The following CUBN variants were observed in gnomAD, a reference collection of about 807,000 sequenced individuals.
CUBN encodes 460 kDa receptor.
CUBN carries 282 observed loss-of-function variants against 405.3 expected under a neutral mutation model. The ratio of observed to expected loss-of-function variants is 0.70; its 90% CI spans 0.63 to 0.77. The LOEUF (loss-of-function observed/expected upper bound fraction) is 0.77, where lower values mean the gene tolerates loss of function less well. Ranked by LOEUF, CUBN falls within the 30% of genes least tolerant of loss-of-function variation. The probability of loss-of-function intolerance (pLI) is 0.00; values close to 1 mark genes in which losing one functional copy is unlikely to be tolerated. For synonymous variants in CUBN, 1,684 were observed against 1,617.0 expected (o/e 1.04, Z -0.99); for missense variants, 4,514 against 4,475.2 (o/e 1.01, Z -0.25).
Position 17,124,619 on chromosome 10 carries a change from G to A in CUBN, c.388-930C>T, listed in dbSNP as rs563927393. Among the ~76,000 whole-genome samples the A allele has an allele frequency of 4.2e-4, 63 of 151,730 alleles. No homozygotes were observed. The South Asian group carries it at 4.2e-3, about 10-fold the overall frequency. On this transcript the variant is annotated intron_variant, in intron 4 of 66. Coordinates refer to ENST00000377833, the MANE Select transcript of CUBN (RefSeq NM_001081.4). ...AATTTTTTGTATTTTTAGTAGAGAC[G>A]GGGTTTCACCGTGTTAGCCAGGATG...
At chr10:17,061,899 C>T in intron 22 of CUBN, among the ~76,000 whole-genome samples, 1 of 152,166 alleles carries the variant, frequency 6.6e-6, no homozygotes, top group Non-Finnish European at 1.5e-5. Context: ...TAAGACGGGA[C>T]TCAGTTGTTT....
chr10:17,000,832 T>C (rs574612293), intron 28 of CUBN, among the ~76,000 whole-genome samples: 9 of 152,334 alleles, frequency 5.9e-5, no homozygotes, highest in African/African-American at 2.2e-4. Flanking sequence ...AATAAGGGAA[T>C]GATAATGCTC....
chr10:16,920,081 G>C lies in CUBN; in HGVS notation c.6703C>G (p.Pro2235Ala), dbSNP rs747957245. The C allele has an allele frequency of 3.7e-6, 6 of 1,613,888 alleles. No individual in the cohort carries two copies. In the Admixed American group the frequency reaches 1.0e-4, roughly 27 times the overall value. The change falls in exon 44 of 67, where the codon CCC (proline) becomes GCC (alanine). Residue 2235 changes from proline (P) to alanine (A), a missense_variant. This residue lies in a region of CUBN where 1,613 missense variants were observed against 1,542.8 expected (regional missense o/e 1.05). Coordinates refer to ENST00000377833, the MANE Select transcript of CUBN (RefSeq NM_001081.4). ...GGGGGATAATTATGAGGGTGGTTGG[G>C]GGAGGTCACATACCCAGCAGAATCA... ...DADSAGYVTS[P>A]NHPHNYPPHA...
intron 7 of CUBN, among the ~76,000 whole-genome samples, chr10:17,114,821 T>C (rs1485857003): frequency 1.3e-5 from 2 of 152,180 alleles, no homozygotes; most frequent in East Asian, 1.9e-4. Context: ...AAAGTCAGAC[T>C]CCTTGAAACC....
intron 29 of CUBN, among the ~76,000 whole-genome samples, chr10:16,985,505 T>C (rs1833391806): frequency 6.6e-6 from 1 of 152,204 alleles, no homozygotes; most frequent in Non-Finnish European, 1.5e-5. Flanking sequence ...TGATTCTTCC[T>C]GGATGCCAGA....
chr10:16,923,683 A>C (rs1162237306), intron 43 of CUBN, among the ~76,000 whole-genome samples: 3 of 152,236 alleles, frequency 2.0e-5, no homozygotes, highest in Non-Finnish European at 4.4e-5. Flanking sequence ...GAATCCACAA[A>C]GGAATAGAAG....
At chr10:16,972,340 T>G (rs1382779893) in intron 31 of CUBN, among the ~76,000 whole-genome samples, 1 of 152,202 alleles carries the variant, frequency 6.6e-6, no homozygotes, top group African/African-American at 2.4e-5. Context: ...TCCCAAGCTC[T>G]GAACTCTTAT....
intron 17 of CUBN, among the ~76,000 whole-genome samples, chr10:17,077,786 G>A (rs1300062254): frequency 6.6e-6 from 1 of 152,100 alleles, no homozygotes; most frequent in Non-Finnish European, 1.5e-5. Flanking sequence ...GGGTGAGGAG[G>A]ATAAGAGATG....
At position 16,939,082 on chromosome 10, in the gene CUBN, A is replaced by G; in HGVS notation, c.5614T>C (p.Tyr1872His). Reference protein sequence around the residue: ...KVASPFWPENYPHNSNYQWTV... With the variant: ...KVASPFWPENHPHNSNYQWTV... The stretch of plus-strand genomic sequence containing the variant: ...CATTGGTAATTGGAGTTATGTGGGT[A>G]GTTTTCAGGCCAGAAAGGAGAGGCG... The change falls in exon 38 of 67, where the codon TAC becomes CAC. Residue 1872 changes from tyrosine (Y) to histidine (H), a missense_variant. Coordinates refer to ENST00000377833, the MANE Select transcript of CUBN (RefSeq NM_001081.4). 1 of 1,613,936 alleles carries G rather than the reference A, an allele frequency of 6.2e-7. No homozygotes were observed. Among genetic ancestry groups the G allele is most frequent in the African/African-American group, 1.3e-5 (1 of 75,044 alleles).
intron 60 of CUBN, among the ~76,000 whole-genome samples, chr10:16,844,780 T>C (rs988376558): frequency 2.6e-5 from 4 of 152,188 alleles, no homozygotes; most frequent in African/African-American, 7.2e-5. Context: ...AAACCTTCAC[T>C]ACAGACTTTT....
At chr10:17,064,257 T>A (rs141103823) in intron 22 of CUBN, among the ~76,000 whole-genome samples, 1 of 152,234 alleles carries the variant, frequency 6.6e-6, no homozygotes, top group Non-Finnish European at 1.5e-5. Flanking sequence ...CTTTTGAACA[T>A]AGAACTTGAA....
chr10:17,036,061 C>G (rs1343920298), intron 27 of CUBN, among the ~76,000 whole-genome samples: 1 of 152,002 alleles, frequency 6.6e-6, no homozygotes, highest in Non-Finnish European at 1.5e-5. Context: ...AATCTATGCC[C>G]CTGCTCACAA....
At chr10:16,832,258 G>A (rs755039359) in intron 64 of CUBN, among the ~76,000 whole-genome samples, 6 of 152,114 alleles carry the variant, frequency 3.9e-5, no homozygotes, top group African/African-American at 9.7e-5. Flanking sequence ...CCTGACATGC[G>A]GAAATGCTGA....
intron 56 of CUBN, among the ~76,000 whole-genome samples, chr10:16,882,610 G>T (rs79051478): frequency 4.0e-4 from 61 of 152,280 alleles, no homozygotes; most frequent in Non-Finnish European, 5.1e-4. Flanking sequence ...TCTCCAAAGT[G>T]GGGGGAGGGC....
intron 14 of CUBN, among the ~76,000 whole-genome samples, chr10:17,093,136 C>T (rs1217521912): frequency 6.6e-6 from 1 of 152,122 alleles, no homozygotes; most frequent in African/African-American, 2.4e-5. Flanking sequence ...TTTAGGGCTA[C>T]CAAAGCATCT....
Position 17,122,794 on chromosome 10 carries a change from C to T in CUBN, c.593+1G>A. 1 of 1,560,302 alleles carries T rather than the reference C, an allele frequency of 6.4e-7. No homozygotes were observed. Among genetic ancestry groups the T allele is most frequent in the Non-Finnish European group, 8.8e-7 (1 of 1,134,230 alleles). On this transcript the variant is annotated splice_donor_variant, in intron 6 of 66. Coordinates refer to ENST00000377833, the MANE Select transcript of CUBN (RefSeq NM_001081.4). LOFTEE classifies it high-confidence loss of function. ...TTACCAAAAAAAAAAAAAAAAGTTA[C>T]CTGTAACTTCCCATTGTATTAACAC...
At position 16,925,271 on chromosome 10, in the gene CUBN, A is replaced by G. The variant is rs1392327457; in HGVS notation, c.6616T>C (p.Phe2206Leu). Residue 2206 changes from phenylalanine (F) to leucine (L), a missense_variant, in exon 43 of 67, where the codon TTT becomes CTT. Physicochemically the swap from Phe to Leu is conservative, Grantham distance 22. Transcript: ENST00000377833. ...CTCTTTGCCTCATATTTGATTTTAA[A>G]TCCTTGCCCTTCATTACTGTGATCA... ...ISDHSNEGQG[F>L]KIKYEAKSLA... 6.2e-7 allele frequency: 1 copy of G among 1,613,550 alleles called. No homozygotes were observed. The highest frequency in any genetic ancestry group is 1.3e-5 in the African/African-American group (1 of 74,898).
At chr10:16,924,500 T>A (rs1317674710) in intron 43 of CUBN, among the ~76,000 whole-genome samples, 1 of 152,162 alleles carries the variant, frequency 6.6e-6, no homozygotes, top group Non-Finnish European at 1.5e-5. Flanking sequence ...ACATATGATT[T>A]CATTTACATA....
At chr10:17,006,046 A>C (rs928394135) in intron 28 of CUBN, among the ~76,000 whole-genome samples, 2 of 152,198 alleles carry the variant, frequency 1.3e-5, no homozygotes, top group Non-Finnish European at 2.9e-5. Flanking sequence ...GAGAGGCCTC[A>C]GGAGAAACCA....
Sources: gnomAD v4.1 joint callset for allele counts (sites outside exome capture counted in the v4.1 genomes callset) on GRCh38, gnomAD v4.1.1 for gene constraint, gnomAD v4.1.1 regional missense constraint, MANE v1.5 for transcripts, NCBI Gene and HGNC (gene_info 2026-07-23, HGNC 2026-07-21) for gene names.